The following CFAP61 variants were observed in gnomAD, a reference collection of about 807,000 sequenced individuals.
CFAP61 encodes the protein cilia- and flagella-associated protein 61.
A neutral mutation model predicts 135.6 loss-of-function variants in CFAP61; 107 were observed. That is an observed-to-expected ratio of 0.79 (90% CI 0.67 to 0.93). The LOEUF is 0.93. Among genes scored for constraint, CFAP61 ranks in the 40% least tolerant of loss-of-function variants. The probability of loss-of-function intolerance (pLI) is 0.00; values close to 1 mark genes in which losing one functional copy is unlikely to be tolerated. For missense variants in CFAP61, 1,507 were observed against 1,556.2 expected, an observed-to-expected ratio of 0.97 and a Z score of 0.53; for synonymous variants, 575 against 578.5, an observed-to-expected ratio of 0.99 and a Z score of 0.09.
intron 24 of CFAP61, among the ~76,000 whole-genome samples, chr20:20,292,556 T>C (rs1254488276): frequency 6.6e-6 from 1 of 152,232 alleles, no homozygotes; most frequent in East Asian, 1.9e-4. Flanking sequence ...TGCTCCACAC[T>C]ATTCACAGCC....
intron 18 of CFAP61, among the ~76,000 whole-genome samples, chr20:20,242,825 C>A (rs190240466): frequency 6.6e-6 from 1 of 152,288 alleles, no homozygotes; most frequent in African/African-American, 2.4e-5. Flanking sequence ...CTGTGTGTAT[C>A]TGAATGTAAT....
chr20:20,100,318 GT>G (rs961963960), intron 8 of CFAP61, among the ~76,000 whole-genome samples: 3 of 151,974 alleles, frequency 2.0e-5, no homozygotes, highest in Non-Finnish European at 4.4e-5. Flanking sequence ...GATTACAGGT[GT>G]GCGCCACCAC....
intron 8 of CFAP61, among the ~76,000 whole-genome samples, chr20:20,101,689 A>G (rs777414573): frequency 6.6e-6 from 1 of 152,030 alleles, no homozygotes; most frequent in African/African-American, 2.4e-5. Context: ...ACAGTGGTGC[A>G]ATCTCAGCTC....
intron 13 of CFAP61, among the ~76,000 whole-genome samples, chr20:20,185,608 G>A (rs147912148): frequency 6.6e-6 from 1 of 152,302 alleles, no homozygotes; most frequent in Admixed American, 6.5e-5. Flanking sequence ...ACAGTGAGAC[G>A]ACTCTTAGAT....
Position 20,063,512 on chromosome 20 carries a change from A to G in CFAP61, c.143+6716A>G, listed in dbSNP as rs190770103. Among the ~76,000 whole-genome samples, 307 of 152,368 alleles carry G rather than the reference A, an allele frequency of 2.0e-3. 1 individual carries two copies. Among genetic ancestry groups the G allele is most frequent in the South Asian group, 6.8e-3 (33 of 4,834 alleles). On this transcript the variant is annotated intron_variant, in intron 2 of 26. Coordinates refer to ENST00000245957, the MANE Select transcript of CFAP61 (RefSeq NM_015585.4). The stretch of plus-strand genomic sequence containing the variant: ...CAAAGGAGAAAATCTAATAATCTCA[A>G]TAAACAGAGACAAAATCATTCGATA...
At chr20:20,322,598 GTA>G in intron 25 of CFAP61, 2 of 636,634 alleles carry the variant, frequency 3.1e-6, no homozygotes, top group Non-Finnish European at 3.9e-6. Context: ...GAGGGAAGTG[GTA>G]TATATTTGCC....
chr20:20,073,384 C>T (rs2045855193), intron 3 of CFAP61, among the ~76,000 whole-genome samples: 1 of 152,194 alleles, frequency 6.6e-6, no homozygotes, highest in Non-Finnish European at 1.5e-5. Flanking sequence ...TTTCCGAGTG[C>T]TTCTGAGTCA....
intron 25 of CFAP61, among the ~76,000 whole-genome samples, chr20:20,340,105 C>T (rs13039378): frequency 0.24 from 36,556 of 152,146 alleles, 4,742 homozygotes; most frequent in East Asian, 0.35. Flanking sequence ...GCTTGGGCCC[C>T]GAGGCCCAGC....
chr20:20,238,823 C>T (rs1406709541), intron 18 of CFAP61, among the ~76,000 whole-genome samples: 1 of 152,222 alleles, frequency 6.6e-6, no homozygotes, highest in Non-Finnish European at 1.5e-5. Context: ...TAATCCCTCC[C>T]TGCTTTACAA....
At chr20:20,163,608 A>AT (rs1457405395) in intron 10 of CFAP61, among the ~76,000 whole-genome samples, 1 of 149,730 alleles carries the variant, frequency 6.7e-6, no homozygotes, top group Non-Finnish European at 1.5e-5. Flanking sequence ...TATTATTATT[A>AT]TTTTTTAAAT....
intron 7 of CFAP61, chr20:20,094,559 C>T (rs2047430400): frequency 6.6e-6 from 1 of 152,328 alleles, no homozygotes; most frequent in Non-Finnish European, 1.5e-5. Context: ...CGTTCTTTCT[C>T]TCTCTTGCCG....
chr20:20,312,373 A>G (rs1205472234), intron 25 of CFAP61, among the ~76,000 whole-genome samples: 5 of 152,250 alleles, frequency 3.3e-5, no homozygotes, highest in African/African-American at 4.8e-5. Flanking sequence ...TGAGACAAGA[A>G]CTACCCTGGA....
chr20:20,117,588 A>T (rs1346034034), intron 8 of CFAP61, among the ~76,000 whole-genome samples: 1 of 152,098 alleles, frequency 6.6e-6, no homozygotes, highest in African/African-American at 2.4e-5. Flanking sequence ...GTGGTTTTGT[A>T]TAAATTTTAG....
intron 22 of CFAP61, among the ~76,000 whole-genome samples, chr20:20,283,954 C>T (rs566195129): frequency 6.6e-6 from 1 of 152,180 alleles, no homozygotes; most frequent in African/African-American, 2.4e-5. Context: ...GTCACATGTG[C>T]CATATAACAT....
chr20:20,235,680 T>C (rs2049535857), intron 18 of CFAP61, among the ~76,000 whole-genome samples: 1 of 152,200 alleles, frequency 6.6e-6, no homozygotes, highest in Admixed American at 6.5e-5. Context: ...ATAATTCTTT[T>C]ATCTTGGCGC....
At chr20:20,171,179 G>GT (rs1471724527) in intron 13 of CFAP61, among the ~76,000 whole-genome samples, 1 of 152,172 alleles carries the variant, frequency 6.6e-6, no homozygotes, top group Non-Finnish European at 1.5e-5. Flanking sequence ...GTTGTGAAGT[G>GT]TTCACAGGTA....
In CFAP61 at chr20:20,169,386, C is replaced by G. The variant is rs150673228; in HGVS notation, c.1311C>G (p.Phe437Leu). The G allele has an allele frequency of 1.2e-5, 20 of 1,613,804 alleles. No homozygotes were observed. Among genetic ancestry groups the G allele is most frequent in the Admixed American group, 1.7e-5 (1 of 59,986 alleles). Residue 437 changes from phenylalanine (F) to leucine (L), a missense_variant, in exon 13 of 27, where the codon TTC becomes TTG. Phe to Leu is a conservative substitution (Grantham distance 22). Coordinates refer to ENST00000245957, the MANE Select transcript of CFAP61 (RefSeq NM_015585.4). ...CCGAGTTCTTCCTCATCCAGAACTT[C>G]GTGAAAATGGTCCCTTTCAACACCT... ...LTPEFFLIQN[F>L]VKMVPFNTCT...
At chr20:20,158,526 T>C (rs1271128374) in intron 9 of CFAP61, among the ~76,000 whole-genome samples, 1 of 152,146 alleles carries the variant, frequency 6.6e-6, no homozygotes, top group African/African-American at 2.4e-5. Flanking sequence ...GGTGAGGATG[T>C]GTAAGTGCAT....
At chr20:20,119,725 C>T (rs1403507627) in intron 8 of CFAP61, among the ~76,000 whole-genome samples, 1 of 152,020 alleles carries the variant, frequency 6.6e-6, no homozygotes, top group Non-Finnish European at 1.5e-5. Context: ...TGTTGGACAG[C>T]TTATTTCATC....
Sources: gnomAD v4.1 joint callset for allele counts (sites outside exome capture counted in the v4.1 genomes callset) on GRCh38, gnomAD v4.1.1 for gene constraint, MANE v1.5 for transcripts, NCBI Gene and HGNC (gene_info 2026-07-23, HGNC 2026-07-21) for gene names.